CHD7: variants seen among roughly 807,000 people sequenced by gnomAD.
The protein encoded by CHD7 is chromodomain helicase DNA binding protein 7.
Under a neutral mutation model 307.3 loss-of-function variants are expected in CHD7, and 24 were observed. That is an observed-to-expected ratio of 0.08 (90% CI 0.06 to 0.11). The LOEUF is 0.11. Among genes scored for constraint, CHD7 ranks in the 10% least tolerant of loss-of-function variants. The probability of loss-of-function intolerance (pLI) is 1.00; values close to 1 mark genes in which losing one functional copy is unlikely to be tolerated. For missense variants in CHD7, 3,106 were observed against 3,727.1 expected, an observed-to-expected ratio of 0.83 and a Z score of 4.34; for synonymous variants, 1,363 against 1,349.9, an observed-to-expected ratio of 1.01 and a Z score of -0.21.
Position 60,852,212 on chromosome 8 carries a change from G to A in CHD7, c.5859G>A (p.Ala1953=), listed in dbSNP as rs587783449. 1.4e-5 allele frequency: 22 copies of A among 1,613,484 alleles called. No individual in the cohort carries two copies. Among genetic ancestry groups the A allele is most frequent in the South Asian group, 2.2e-5 (2 of 91,056 alleles). The change falls in exon 29 of 38, where the codon GCG becomes GCA. Residue 1953 remains alanine (A), a synonymous_variant. Coordinates refer to ENST00000423902, the MANE Select transcript of CHD7 (RefSeq NM_017780.4). ...GAGAGGAAGTGAGAGCTCTGGAAGC[G>A]GAAAGGGAAGCTATTATATCTGAGA... ...RPREEVRALE[A]EREAIISEKR... is the part of the protein sequence containing the mutation.
intron 2 of CHD7, among the ~76,000 whole-genome samples, chr8:60,748,011 A>G (rs1412364268): frequency 6.6e-6 from 1 of 152,206 alleles, no homozygotes; most frequent in Non-Finnish European, 1.5e-5. Context: ...ACATTTTCAT[A>G]GTTGTTTGAC....
chr8:60,687,620 T>C (rs963168441), intron 1 of CHD7, among the ~76,000 whole-genome samples: 30 of 152,282 alleles, frequency 2.0e-4, no homozygotes, highest in African/African-American at 7.2e-4. Flanking sequence ...AGTGCAGAAA[T>C]AATAAAACAA....
chr8:60,824,108 G>GTAT, intron 13 of CHD7, 92 bp downstream of exon 13: 14 of 1,096,422 alleles, frequency 1.3e-5, no homozygotes, highest in Non-Finnish European at 1.9e-5. Flanking sequence ...CCTGTAAACA[G>GTAT]TATTTGAAAA....
At chr8:60,789,460 G>C (rs1009118870) in intron 3 of CHD7, among the ~76,000 whole-genome samples, 1 of 152,212 alleles carries the variant, frequency 6.6e-6, no homozygotes, top group African/African-American at 2.4e-5. Flanking sequence ...AATATGGTGA[G>C]AAACTTCACT....
intron 2 of CHD7, among the ~76,000 whole-genome samples, chr8:60,775,435 A>G (rs898043266): frequency 3.3e-5 from 5 of 152,260 alleles, no homozygotes; most frequent in African/African-American, 9.7e-5. Flanking sequence ...TGCATTTTAT[A>G]TAAAGTTATA....
intron 1 of CHD7, among the ~76,000 whole-genome samples, chr8:60,721,899 G>C (rs1194859969): frequency 1.3e-5 from 2 of 152,156 alleles, no homozygotes; most frequent in Non-Finnish European, 2.9e-5. Context: ...TATTTCATGG[G>C]ATTATTGAAG....
chr8:60,688,279 A>T (rs1806014221), intron 1 of CHD7, among the ~76,000 whole-genome samples: 1 of 152,156 alleles, frequency 6.6e-6, no homozygotes, highest in Admixed American at 6.5e-5. Flanking sequence ...GCCCAGGGTT[A>T]TGGTGAAGGT....
intron 15 of CHD7, among the ~76,000 whole-genome samples, chr8:60,833,870 C>A (rs74336012): frequency 0.017 from 2,641 of 152,274 alleles, 68 homozygotes; most frequent in African/African-American, 0.061. Context: ...CCCCAACACT[C>A]TTCCCACCCT....
intron 19 of CHD7, 118 bp downstream of exon 19, chr8:60,838,373 C>T (rs2150779845): frequency 2.2e-6 from 2 of 908,662 alleles, no homozygotes; most frequent in East Asian, 5.4e-5. Context: ...TAATCATTAA[C>T]TCCCTGTGGA....
At chr8:60,751,597 G>A (rs1809644819) in intron 2 of CHD7, among the ~76,000 whole-genome samples, 1 of 152,226 alleles carries the variant, frequency 6.6e-6, no homozygotes, top group Non-Finnish European at 1.5e-5. Context: ...GTTGCTGAAT[G>A]CAGCTCTTGT....
intron 7 of CHD7, 52 bp from the exon 8 acceptor site, chr8:60,816,335 A>G: frequency 1.0e-6 from 1 of 990,944 alleles, no homozygotes; most frequent in East Asian, 2.6e-5. Flanking sequence ...AAGACATAAT[A>G]AAGGATTAAT....
At chr8:60,767,700 C>T (rs1050223435) in intron 2 of CHD7, among the ~76,000 whole-genome samples, 3 of 152,154 alleles carry the variant, frequency 2.0e-5, no homozygotes, top group East Asian at 1.9e-4. Flanking sequence ...GGACTCCTCA[C>T]GGTGCTGGGA....
chr8:60,853,357 C>A lies in CHD7; in HGVS notation c.6632C>A (p.Ala2211Asp), dbSNP rs1398262614. The change falls in exon 31 of 38, where the codon GCC (alanine) becomes GAC (aspartate). Residue 2211 changes from alanine to aspartate, a missense_variant. This residue lies in a region of CHD7 where 1,030 missense variants were observed against 1,165.4 expected (regional missense o/e 0.88). Coordinates refer to ENST00000423902, the MANE Select transcript of CHD7 (RefSeq NM_017780.4). Reference protein sequence around the residue: ...KESKQECEAEASSVKNELKGV... With the variant: ...KESKQECEAEDSSVKNELKGV... ...AGCAAGCAGGAATGTGAGGCAGAGG[C>A]CAGCTCTGTGAAAAATGAACTGAAA... 6.4e-7 allele frequency: 1 copy of A among 1,566,674 alleles called. No homozygotes were observed. The highest frequency in any genetic ancestry group is 1.9e-5 in the Admixed American group (1 of 52,042).
chr8:60,726,368 G>C (rs1296016432), intron 1 of CHD7, among the ~76,000 whole-genome samples: 1 of 152,148 alleles, frequency 6.6e-6, no homozygotes, highest in Non-Finnish European at 1.5e-5. Flanking sequence ...AAGAATCAGA[G>C]AGGTTAAGTA....
At chr8:60,707,471 T>C (rs918207109) in intron 1 of CHD7, among the ~76,000 whole-genome samples, 5 of 152,234 alleles carry the variant, frequency 3.3e-5, no homozygotes, top group African/African-American at 1.2e-4. Context: ...GATGTCTGTC[T>C]TAATGTAACT....
chr8:60,785,429 TA>T (rs901250869), intron 3 of CHD7, among the ~76,000 whole-genome samples: 1 of 152,172 alleles, frequency 6.6e-6, no homozygotes, highest in African/African-American at 2.4e-5. Flanking sequence ...ACTCTTATTT[TA>T]AAAAAACATA....
intron 1 of CHD7, among the ~76,000 whole-genome samples, chr8:60,700,932 C>A (rs969738036): frequency 1.3e-5 from 2 of 152,198 alleles, no homozygotes; most frequent in African/African-American, 4.8e-5. Flanking sequence ...ACAAGTGGCA[C>A]GCTGCTCACA....
chr8:60,781,456 T>C (rs1586317705), intron 3 of CHD7, 26 bp downstream of exon 3: 1 of 1,502,694 alleles, frequency 6.7e-7, no homozygotes. Context: ...AAAAAACAAC[T>C]GCAAAACATT....
At chr8:60,744,351 G>C (rs1809209857) in intron 2 of CHD7, among the ~76,000 whole-genome samples, 1 of 152,052 alleles carries the variant, frequency 6.6e-6, no homozygotes, top group African/African-American at 2.4e-5. Context: ...GTGTGAACCT[G>C]TTTTCTAGGC....
Sources: gnomAD v4.1 joint callset for allele counts (sites outside exome capture counted in the v4.1 genomes callset) on GRCh38, gnomAD v4.1.1 for gene constraint, gnomAD v4.1.1 regional missense constraint, MANE v1.5 for transcripts, NCBI Gene and HGNC (gene_info 2026-07-23, HGNC 2026-07-21) for gene names.